Variants in HPSE2 observed in about 807,000 individuals in gnomAD.
HPSE2 encodes heparanase 2 (inactive), also known as inactive heparanase-2.
In HPSE2, 38 loss-of-function variants were observed where a neutral mutation model predicts 60.5. The observed-to-expected ratio is 0.63, with a 90% CI of 0.48 to 0.82. The LOEUF (loss-of-function observed/expected upper bound fraction) is 0.82, where lower values mean the gene tolerates loss of function less well. HPSE2 is among the 40% of genes least tolerant of loss of function. HPSE2 has a pLI of 0.00. For missense variants in HPSE2, 713 were observed against 740.4 expected, an observed-to-expected ratio of 0.96 and a Z score of 0.43; for synonymous variants, 295 against 293.2, an observed-to-expected ratio of 1.01 and a Z score of -0.06.
At chr10:99,250,940 C>A in the HPSE2 span, among the ~76,000 whole-genome samples, 1 of 151,872 alleles carries the variant, frequency 6.6e-6, no homozygotes, top group Non-Finnish European at 1.5e-5. Flanking sequence ...TGACATTCCA[C>A]CTAAAGGAAC....
chr10:98,856,759 G>T (rs1047165912), intron 3 of HPSE2, among the ~76,000 whole-genome samples: 2 of 152,138 alleles, frequency 1.3e-5, no homozygotes, highest in Non-Finnish European at 2.9e-5. Context: ...TCAAAAATAT[G>T]AAAGAGAAAT....
chr10:98,738,773 T>C (rs1205139822), intron 4 of HPSE2, among the ~76,000 whole-genome samples: 1 of 152,214 alleles, frequency 6.6e-6, no homozygotes, highest in Non-Finnish European at 1.5e-5. Flanking sequence ...CACAACAAGA[T>C]ACTATTTCAT....
the HPSE2 span, among the ~76,000 whole-genome samples, chr10:99,294,924 C>A: frequency 6.6e-6 from 1 of 151,672 alleles, no homozygotes; most frequent in Non-Finnish European, 1.5e-5. Flanking sequence ...CCACTGCACT[C>A]CAGCCTGGGC....
At chr10:98,976,675 G>A (rs1307628014) in intron 3 of HPSE2, among the ~76,000 whole-genome samples, 2 of 151,522 alleles carry the variant, frequency 1.3e-5, no homozygotes, top group Admixed American at 6.6e-5. Context: ...CACACCTGAA[G>A]TAAGGAACAG....
intron 2 of HPSE2, among the ~76,000 whole-genome samples, chr10:99,154,157 A>G (rs1304000578): frequency 7.0e-6 from 1 of 142,576 alleles, no homozygotes. Flanking sequence ...GGGAGAATGG[A>G]ACCAAGTTGG....
chr10:99,244,491 C>T, the HPSE2 span, among the ~76,000 whole-genome samples: 1 of 148,832 alleles, frequency 6.7e-6, no homozygotes, highest in Admixed American at 6.7e-5. Flanking sequence ...ACTGCAGTCT[C>T]TACTTCCTAA....
chr10:98,752,765 C>A (rs1226792781), intron 3 of HPSE2, among the ~76,000 whole-genome samples: 10 of 152,104 alleles, frequency 6.6e-5, no homozygotes, highest in Admixed American at 6.6e-4. Context: ...GCACTATTTA[C>A]AGTAGCCATG....
intron 3 of HPSE2, among the ~76,000 whole-genome samples, chr10:98,875,158 G>T (rs1421108398): frequency 6.6e-6 from 1 of 152,104 alleles, no homozygotes; most frequent in South Asian, 2.1e-4. Context: ...GCTGTCAGAA[G>T]ACAAGAAATA....
At chr10:98,552,285 G>A (rs1315620603) in intron 9 of HPSE2, among the ~76,000 whole-genome samples, 1 of 131,408 alleles carries the variant, frequency 7.6e-6, no homozygotes, top group Admixed American at 8.4e-5. Context: ...GCCTCTCTGT[G>A]TAATGGAGAT....
intron 3 of HPSE2, among the ~76,000 whole-genome samples, chr10:98,766,996 A>G (rs1950134230): frequency 1.3e-5 from 2 of 152,324 alleles, no homozygotes; most frequent in South Asian, 2.1e-4. Context: ...AACAGACTAC[A>G]TAAGAAACAG....
chr10:99,152,984 G>GT (rs1196772980), intron 2 of HPSE2, among the ~76,000 whole-genome samples: 1 of 152,232 alleles, frequency 6.6e-6, no homozygotes, highest in Non-Finnish European at 1.5e-5. Flanking sequence ...CAAAGAAAGG[G>GT]GTGACAGAGG....
chr10:98,780,965 A>T (rs1052924734), intron 3 of HPSE2, among the ~76,000 whole-genome samples: 1 of 152,014 alleles, frequency 6.6e-6, no homozygotes, highest in Non-Finnish European at 1.5e-5. Flanking sequence ...TGTAGGAGTG[A>T]TGTGCCACTT....
At chr10:98,879,420 C>T (rs1387686020) in intron 3 of HPSE2, among the ~76,000 whole-genome samples, 1 of 152,036 alleles carries the variant, frequency 6.6e-6, no homozygotes, top group African/African-American at 2.4e-5. Flanking sequence ...AATACATACA[C>T]TATAAACATT....
chr10:98,606,391 C>T (rs967483030), intron 9 of HPSE2, among the ~76,000 whole-genome samples: 1 of 152,214 alleles, frequency 6.6e-6, no homozygotes, highest in Admixed American at 6.5e-5. Context: ...GGATCCTCTA[C>T]GGATCAACTT....
chr10:98,633,937 A>G (rs979537047), intron 7 of HPSE2, among the ~76,000 whole-genome samples: 1 of 152,234 alleles, frequency 6.6e-6, no homozygotes, highest in African/African-American at 2.4e-5. Context: ...TGTAGAATGA[A>G]AGATTGTTCA....
chr10:99,267,887 A>G, the HPSE2 span, among the ~76,000 whole-genome samples: 3 of 152,194 alleles, frequency 2.0e-5, no homozygotes, highest in Admixed American at 1.3e-4. Flanking sequence ...TTGAGGGAAT[A>G]ATGGAGGAAA....
At chr10:99,041,010 C>T (rs1957726480) in intron 3 of HPSE2, among the ~76,000 whole-genome samples, 1 of 151,780 alleles carries the variant, frequency 6.6e-6, no homozygotes, top group Admixed American at 6.6e-5. Context: ...TGGCATGAAC[C>T]TGGGAGGCGG....
Position 99,126,422 on chromosome 10 carries a change from T to C in HPSE2, c.610+17816A>G, listed in dbSNP as rs1845166839. On this transcript the variant is annotated intron_variant, in intron 3 of 11. Coordinates refer to ENST00000370552, the MANE Select transcript of HPSE2 (RefSeq NM_021828.5). The surrounding 1 kb of genome is among the most constrained non-coding windows in gnomAD (Gnocchi z 4.0). Reference sequence around the variant, plus strand: ...CATCCAAGCTTTATGGCCCCACCCATCGCCTGGGAAACCAGAATAGTTACC... The same window carrying C: ...CATCCAAGCTTTATGGCCCCACCCACCGCCTGGGAAACCAGAATAGTTACC... Among the ~76,000 whole-genome samples the C allele has an allele frequency of 6.6e-6, 1 of 152,018 alleles. No homozygotes were observed. Among genetic ancestry groups the C allele is most frequent in the African/African-American group, 2.4e-5 (1 of 41,390 alleles).
the HPSE2 span, among the ~76,000 whole-genome samples, chr10:99,249,683 G>A: frequency 6.6e-6 from 1 of 152,150 alleles, no homozygotes; most frequent in Admixed American, 6.5e-5. Context: ...GGGATTGTGG[G>A]CAGAATGATA....
Sources: allele counts gnomAD v4.1 joint callset (sites outside exome capture counted in the v4.1 genomes callset), GRCh38; gene constraint gnomAD v4.1.1; non-coding constraint Gnocchi (gnomAD v3.1); transcripts MANE v1.5; gene names NCBI Gene and HGNC (gene_info 2026-07-23, HGNC 2026-07-21).